The following SLC28A2 variants were observed in gnomAD, a reference collection of about 807,000 sequenced individuals.
The protein encoded by SLC28A2 is sodium/nucleoside cotransporter 2.
SLC28A2 carries 69 observed loss-of-function variants against 72.9 expected under a neutral mutation model. The observed-to-expected ratio is 0.95, with a 90% CI of 0.78 to 1.16. The LOEUF (loss-of-function observed/expected upper bound fraction) is 1.16, where lower values mean the gene tolerates loss of function less well. SLC28A2 is among the 50% of genes most tolerant of loss of function. SLC28A2 has a pLI of 0.00. For missense variants in SLC28A2, 745 were observed against 791.1 expected (o/e 0.94, Z 0.70); for synonymous variants, 296 against 294.1 (o/e 1.01, Z -0.07).
intron 1 of SLC28A2, among the ~76,000 whole-genome samples, chr15:45,252,677 G>A (rs1321557662): frequency 6.6e-6 from 1 of 152,152 alleles, no homozygotes; most frequent in Non-Finnish European, 1.5e-5. Flanking sequence ...TCTCTCTGGG[G>A]CATAAAAAAC....
At chr15:45,261,619 G>T (rs1465074302) in intron 3 of SLC28A2, among the ~76,000 whole-genome samples, 1 of 152,168 alleles carries the variant, frequency 6.6e-6, no homozygotes, top group African/African-American at 2.4e-5. Context: ...AAGGCCATAG[G>T]TTTGTTTGGT....
intron 3 of SLC28A2, among the ~76,000 whole-genome samples, chr15:45,258,840 C>T (rs1900059319): frequency 6.6e-6 from 1 of 152,036 alleles, no homozygotes. Context: ...ATAAATACAC[C>T]TTTCTACTGG....
intron 5 of SLC28A2, 103 bp from the exon 6 acceptor site, chr15:45,263,778 T>C (rs1900235645): frequency 5.1e-6 from 6 of 1,186,434 alleles, no homozygotes; most frequent in Non-Finnish European, 7.1e-6. Flanking sequence ...TGCATGGCCT[T>C]TGATCACAGG....
At chr15:45,264,964 G>A in intron 7 of SLC28A2, 125 bp from the exon 8 acceptor site, 1 of 830,600 alleles carries the variant, frequency 1.2e-6, no homozygotes, top group East Asian at 2.5e-5. Context: ...CCCCTGGGCT[G>A]TCAAAGGGAG....
In SLC28A2 at chr15:45,272,287, G is replaced by T; in HGVS notation, c.1649-8G>T. 6.2e-7 allele frequency: 1 copy of T among 1,611,570 alleles called. No individual in the cohort carries two copies. The highest frequency in any genetic ancestry group is 1.3e-5 in the African/African-American group (1 of 74,962). ...AAAGCTGAAGTTATTTTATTTTATT[G>T]TCTGCAGCATCAATAGTACCTCACC... On this transcript the variant is annotated splice_region_variant and splice_polypyrimidine_tract_variant and intron_variant, in intron 15 of 17. Coordinates refer to ENST00000347644, the MANE Select transcript of SLC28A2 (RefSeq NM_004212.4).
intron 3 of SLC28A2, 127 bp from the exon 4 acceptor site, chr15:45,261,888 C>A: frequency 1.4e-6 from 1 of 720,064 alleles, no homozygotes; most frequent in Non-Finnish European, 2.5e-6. Flanking sequence ...TTCCTCCTGG[C>A]TGAAGAATAT....
At chr15:45,264,096 A>C (rs887509307) in intron 6 of SLC28A2, 74 bp downstream of exon 6, 5 of 1,378,930 alleles carry the variant, frequency 3.6e-6, no homozygotes, top group Non-Finnish European at 4.9e-6. Context: ...AAGCGTATGC[A>C]TCAAGTGTTA....
rs777334254 is a variant in SLC28A2 at position 45,252,248 on chromosome 15, G to A, written c.-47G>A. 31 of 455,784 alleles carry A rather than the reference G, an allele frequency of 6.8e-5. No individual in the cohort carries two copies. Among genetic ancestry groups the A allele is most frequent in the Non-Finnish European group, 2.2e-5 (5 of 226,802 alleles). The allele number at this position is 455,784 out of a possible 1,614,324, so 28.2% of individuals were successfully genotyped here. A position where few individuals can be genotyped will look rare whatever the true frequency, so the allele number is the denominator to read the frequency against. Reference sequence around the variant, plus strand: ...GCTTTTCTTTCAGTCCTTCACTGAGGAGCCAGAGGGAATCAATTCCACAAG... The same window carrying A: ...GCTTTTCTTTCAGTCCTTCACTGAGAAGCCAGAGGGAATCAATTCCACAAG... On this transcript the variant is annotated 5_prime_UTR_variant, in exon 1 of 18. Transcript: ENST00000347644.
chr15:45,264,579 G>C (rs1441456667), intron 6 of SLC28A2, 76 bp from the exon 7 acceptor site: 8 of 985,042 alleles, frequency 8.1e-6, no homozygotes, highest in East Asian at 2.4e-5. Flanking sequence ...GTTCCACCCA[G>C]AGTACATGTT....
intron 3 of SLC28A2, chr15:45,255,933 C>T (rs907256930): frequency 6.6e-6 from 1 of 152,276 alleles, no homozygotes; most frequent in African/African-American, 2.4e-5. Context: ...TCCCCTGCAC[C>T]ACTGACTCTA....
Position 45,264,755 on chromosome 15 carries a change from G to A in SLC28A2, c.689G>A (p.Gly230Glu). 6.2e-7 allele frequency: 1 copy of A among 1,606,410 alleles called. No individual in the cohort carries two copies. The change falls in exon 7 of 18, where the codon GGA (glycine) becomes GAA (glutamate). Residue 230 changes from glycine to glutamate, a missense_variant. Transcript: ENST00000347644. ...DLGYTVFQWLGEQVQIFLNYT... is the reference protein window; with the variant it reads ...DLGYTVFQWLEEQVQIFLNYT... ...GGATATACTGTATTTCAGTGGCTGG[G>A]AGAGCAGGTCCAGGTATGAGAAATT... is the stretch of plus-strand genomic sequence containing the variant.
chr15:45,254,043 G>T, intron 3 of SLC28A2: 1 of 152,678 alleles, frequency 6.5e-6, no homozygotes, highest in South Asian at 2.1e-4. Flanking sequence ...ACAGTCCACA[G>T]TGCTATGTGA....
chr15:45,253,382 C>A, intron 2 of SLC28A2, 50 bp from the exon 3 acceptor site: 2 of 1,567,964 alleles, frequency 1.3e-6, no homozygotes, highest in Non-Finnish European at 1.8e-6. Context: ...CAATCCCCAT[C>A]ATCCCTGGCA....
chr15:45,259,759 C>T lies in SLC28A2; in HGVS notation c.171-2256C>T, dbSNP rs180890594. On this transcript the variant is annotated intron_variant, in intron 3 of 17. Coordinates refer to ENST00000347644, the MANE Select transcript of SLC28A2 (RefSeq NM_004212.4). ...CAGAAATGCTCCTTTCCCTGATATG[C>T]TCAAAACCTAATAAAGACAGGTAAA... 2.2e-3 allele frequency among the ~76,000 whole-genome samples: 332 copies of T among 152,244 alleles called. 9 individuals are homozygous for T. In the South Asian group the frequency reaches 0.027, roughly 12 times the overall value.
chr15:45,272,902 G>T, intron 17 of SLC28A2, 118 bp downstream of exon 17: 1 of 615,036 alleles, frequency 1.6e-6, no homozygotes, highest in East Asian at 2.8e-5. Context: ...GCCTAGATCA[G>T]TGTTCTTTTC....
rs1567061136 is a variant in SLC28A2 at position 45,268,374 on chromosome 15, T to C, written c.1364T>C (p.Phe455Ser). The C allele has an allele frequency of 6.3e-7, 1 of 1,587,388 alleles. No individual in the cohort carries two copies. The highest frequency in any genetic ancestry group is 8.6e-7 in the Non-Finnish European group (1 of 1,158,986). ...TTGGTGGACATACAGGGGCTCACTT[T>C]CCAGGTAAAGGATTACATTTGTTGG... ...GELVDIQGLT[F>S]QVICSYLLRP... The change falls in exon 13 of 18, where the codon TTC (phenylalanine) becomes TCC (serine). Residue 455 changes from phenylalanine to serine, a missense_variant. By Grantham distance (155) the Phe-to-Ser change is radical (BLOSUM62 -2). Transcript: ENST00000347644.
At chr15:45,264,515 G>A in intron 6 of SLC28A2, 140 bp from the exon 7 acceptor site, 1 of 618,818 alleles carries the variant, frequency 1.6e-6, no homozygotes, top group Non-Finnish European at 2.9e-6. Flanking sequence ...CCCTACCATT[G>A]CCCCTGCTCC....
Position 45,268,392 on chromosome 15 carries a change from T to G in SLC28A2, c.1368+14T>G. 2 of 1,573,220 alleles carry G rather than the reference T, an allele frequency of 1.3e-6. No homozygotes were observed. The highest frequency in any genetic ancestry group is 1.7e-6 in the Non-Finnish European group (2 of 1,149,628). Reference sequence around the variant, plus strand: ...CTCACTTTCCAGGTAAAGGATTACATTTGTTGGGCTGTCCCTCTGGGATGT... The same window carrying G: ...CTCACTTTCCAGGTAAAGGATTACAGTTGTTGGGCTGTCCCTCTGGGATGT... On this transcript the variant is annotated intron_variant, in intron 13 of 17. Coordinates refer to ENST00000347644, the MANE Select transcript of SLC28A2 (RefSeq NM_004212.4).
chr15:45,269,058 C>A (rs1479212228), intron 13 of SLC28A2, among the ~76,000 whole-genome samples: 1 of 150,828 alleles, frequency 6.6e-6, no homozygotes, highest in South Asian at 2.1e-4. Flanking sequence ...AGGAGATATA[C>A]CTAATGCTAA....
Sources: gnomAD v4.1 joint callset for allele counts (sites outside exome capture counted in the v4.1 genomes callset) on GRCh38, gnomAD v4.1.1 for gene constraint, MANE v1.5 for transcripts, NCBI Gene and HGNC (gene_info 2026-07-23, HGNC 2026-07-21) for gene names.